PBX3: variants seen among roughly 807,000 people sequenced by gnomAD.
PBX3 encodes the protein pre-B-cell leukemia transcription factor 3.
Under a neutral mutation model 48.5 loss-of-function variants are expected in PBX3, and 14 were observed. The observed-to-expected ratio is 0.29, with a 90% CI of 0.19 to 0.45. PBX3 has a LOEUF of 0.45. Among genes scored for constraint, PBX3 ranks in the 20% least tolerant of loss-of-function variants. The pLI, the probability that PBX3 is intolerant of heterozygous loss-of-function variation, is 1.00. For synonymous variants in PBX3, 210 were observed against 200.3 expected (o/e 1.05, Z -0.41); for missense variants, 386 against 546.7 (o/e 0.71, Z 2.93).
chr9:125,748,960 A>G, intron 2 of PBX3: 1 of 224,386 alleles, frequency 4.5e-6, no homozygotes, highest in Non-Finnish European at 9.1e-6. Flanking sequence ...AAAAGGAGCA[A>G]CGGGAGACTG....
Position 125,748,616 on chromosome 9 carries a change from G to C in PBX3, c.267G>C (p.Glu89Asp), listed in dbSNP as rs199866010. Residue 89 changes from glutamate (E) to aspartate (D), a missense_variant, in exon 2 of 9, where the codon GAG (glutamate) becomes GAC (aspartate). This residue lies in a region of PBX3 where 69 missense variants were observed against 99.1 expected (regional missense o/e 0.70). Transcript: ENST00000373489. ...TCAGCGTCCTGTGTGAGATCAAAGA[G>C]AAAACAGGTAAGACGCTGCGCCCCG... ...ALFSVLCEIKEKTGLSIRGAQ... is the reference protein window; with the variant it reads ...ALFSVLCEIKDKTGLSIRGAQ... 3 of 1,613,302 alleles carry C rather than the reference G, an allele frequency of 1.9e-6. No homozygotes were observed. The highest frequency in any genetic ancestry group is 2.2e-5 in the South Asian group (2 of 91,068).
chr9:125,934,235 A>G (rs998074511), intron 4 of PBX3, among the ~76,000 whole-genome samples: 1 of 152,146 alleles, frequency 6.6e-6, no homozygotes, highest in South Asian at 2.1e-4. Flanking sequence ...TTAATGTTGA[A>G]ATGTAGATCA....
intron 2 of PBX3, among the ~76,000 whole-genome samples, chr9:125,908,780 C>T (rs1841135618): frequency 6.6e-6 from 1 of 151,980 alleles, no homozygotes; most frequent in Non-Finnish European, 1.5e-5. Context: ...ATTTAGTTGT[C>T]ATATTTACCA....
At chr9:125,780,719 G>T (rs184378228) in intron 2 of PBX3, among the ~76,000 whole-genome samples, 1 of 78,378 alleles carries the variant, frequency 1.3e-5, no homozygotes, top group Non-Finnish European at 2.5e-5. Context: ...CTCCCGGACG[G>T]GGGGCTGACC....
chr9:125,757,904 A>C (rs10986882), intron 2 of PBX3, among the ~76,000 whole-genome samples: 3,099 of 152,242 alleles, frequency 0.02, 172 homozygotes, highest in East Asian at 0.17. Context: ...TAAGTGAGAA[A>C]CCTCCAGTTT....
intron 2 of PBX3, among the ~76,000 whole-genome samples, chr9:125,783,695 G>C (rs1837383681): frequency 6.6e-6 from 1 of 152,040 alleles, no homozygotes; most frequent in Non-Finnish European, 1.5e-5. Flanking sequence ...AGCTCTTCAA[G>C]CATATTCACA....
At chr9:125,788,439 T>TA (rs1338596774) in intron 2 of PBX3, among the ~76,000 whole-genome samples, 1 of 152,212 alleles carries the variant, frequency 6.6e-6, no homozygotes, top group Non-Finnish European at 1.5e-5. Context: ...AACTTCTACT[T>TA]ACATTTATCT....
At chr9:125,898,147 T>C (rs1840817772) in intron 2 of PBX3, among the ~76,000 whole-genome samples, 1 of 151,678 alleles carries the variant, frequency 6.6e-6, no homozygotes, top group South Asian at 2.1e-4. Context: ...AAAAACAGAT[T>C]TGAGCTCATG....
intron 5 of PBX3, among the ~76,000 whole-genome samples, chr9:125,948,224 C>T (rs1028887198): frequency 1.3e-5 from 2 of 149,836 alleles, no homozygotes; most frequent in Non-Finnish European, 3.0e-5. Context: ...GATTTTAACA[C>T]CACAATTAGC....
At chr9:125,763,696 C>T (rs987581828) in intron 2 of PBX3, among the ~76,000 whole-genome samples, 3 of 152,190 alleles carry the variant, frequency 2.0e-5, no homozygotes, top group Non-Finnish European at 2.9e-5. Flanking sequence ...GAAATTAATA[C>T]GCACTTGCTT....
intron 2 of PBX3, among the ~76,000 whole-genome samples, chr9:125,751,101 A>G (rs1041323114): frequency 6.6e-5 from 10 of 152,224 alleles, no homozygotes; most frequent in Non-Finnish European, 1.5e-4. Context: ...TTGCATAAAT[A>G]TTTTTTAAAA....
chr9:125,835,839 C>T (rs927307764), intron 2 of PBX3, among the ~76,000 whole-genome samples: 1 of 152,144 alleles, frequency 6.6e-6, no homozygotes, highest in Non-Finnish European at 1.5e-5. Context: ...CTGGTAATCA[C>T]CCTGCTGGGC....
chr9:125,883,326 T>C (rs1588256695), intron 2 of PBX3, among the ~76,000 whole-genome samples: 1 of 152,340 alleles, frequency 6.6e-6, no homozygotes, highest in East Asian at 1.9e-4. Flanking sequence ...AGAAATGATG[T>C]CTGTATTTTG....
chr9:125,747,812 C>T (rs902072587), intron 1 of PBX3, among the ~76,000 whole-genome samples, 159 bp downstream of exon 1: 2 of 151,568 alleles, frequency 1.3e-5, no homozygotes, highest in East Asian at 2.0e-4. Context: ...GGGACTTGCC[C>T]GCGCCCCCCG....
chr9:125,962,298 C>A, intron 7 of PBX3, 84 bp downstream of exon 7: 1 of 735,920 alleles, frequency 1.4e-6, no homozygotes, highest in South Asian at 1.7e-5. Context: ...TGGAAGTGGT[C>A]TACACATCCA....
chr9:125,959,895 G>A (rs1370614751), intron 5 of PBX3, among the ~76,000 whole-genome samples: 1 of 152,092 alleles, frequency 6.6e-6, no homozygotes, highest in Non-Finnish European at 1.5e-5. Flanking sequence ...TGAATACATT[G>A]TAACTCTGAG....
intron 2 of PBX3, among the ~76,000 whole-genome samples, chr9:125,909,666 CAG>C (rs1841158307): frequency 1.3e-5 from 2 of 152,104 alleles, no homozygotes; most frequent in African/African-American, 2.4e-5. Context: ...GAAGAAACGT[CAG>C]AGTCATAGCC....
At chr9:125,816,140 C>T (rs892940455) in intron 2 of PBX3, among the ~76,000 whole-genome samples, 1 of 152,060 alleles carries the variant, frequency 6.6e-6, no homozygotes, top group Non-Finnish European at 1.5e-5. Context: ...GCGAGGACCA[C>T]CACGCCTGGC....
At chr9:125,943,394 A>G (rs1028960325) in intron 5 of PBX3, among the ~76,000 whole-genome samples, 2 of 128,090 alleles carry the variant, frequency 1.6e-5, no homozygotes, top group Non-Finnish European at 3.2e-5. Flanking sequence ...AAAAAAAAAA[A>G]AAAAAGAAAG....
Sources: gnomAD v4.1 joint callset for allele counts (sites outside exome capture counted in the v4.1 genomes callset) on GRCh38, gnomAD v4.1.1 for gene constraint, gnomAD v4.1.1 regional missense constraint, MANE v1.5 for transcripts, NCBI Gene and HGNC (gene_info 2026-07-23, HGNC 2026-07-21) for gene names.